Variants in AP4E1 observed in about 807,000 individuals in gnomAD.
AP4E1 encodes the protein adaptor related protein complex 4 subunit epsilon 1.
Under a neutral mutation model 128.2 loss-of-function variants are expected in AP4E1, and 56 were observed. The ratio of observed to expected loss-of-function variants is 0.44; its 90% CI spans 0.35 to 0.55. AP4E1 has a LOEUF of 0.55. Ranked by LOEUF, AP4E1 falls within the 20% of genes least tolerant of loss-of-function variation. AP4E1 has a pLI of 0.00. For synonymous variants in AP4E1, 484 were observed against 473.1 expected, an observed-to-expected ratio of 1.02 and a Z score of -0.30; for missense variants, 1,324 against 1,307.7, an observed-to-expected ratio of 1.01 and a Z score of -0.19.
Position 50,992,108 on chromosome 15 carries a change from T to A in AP4E1, c.2091-1262T>A, listed in dbSNP as rs1207107519. ...TTCAATAAATATATTGGAAAAAGTT[T>A]TTCAGACTTGAGACAATTTGAAAAA... On this transcript the variant is annotated intron_variant, in intron 16 of 20. Coordinates refer to ENST00000261842, the MANE Select transcript of AP4E1 (RefSeq NM_007347.5). Among the ~76,000 whole-genome samples the A allele has an allele frequency of 4.6e-5, 7 of 152,240 alleles. No individual in the cohort carries two copies. The East Asian group carries it at 1.3e-3, about 29-fold the overall frequency.
At chr15:50,912,548 T>C (rs1406950337) in intron 2 of AP4E1, among the ~76,000 whole-genome samples, 1 of 152,240 alleles carries the variant, frequency 6.6e-6, no homozygotes, top group African/African-American at 2.4e-5. Context: ...TTGTTCTACA[T>C]AATCTGATTT....
intron 16 of AP4E1, among the ~76,000 whole-genome samples, chr15:50,991,756 T>G (rs1355264831): frequency 6.6e-6 from 1 of 152,100 alleles, no homozygotes; most frequent in Non-Finnish European, 1.5e-5. Flanking sequence ...TAATTACCTG[T>G]TTTTGTTTTG....
chr15:50,967,315 G>T (rs1253295269), intron 14 of AP4E1, among the ~76,000 whole-genome samples: 1 of 152,198 alleles, frequency 6.6e-6, no homozygotes, highest in Non-Finnish European at 1.5e-5. Flanking sequence ...TGATGGGGCA[G>T]TTATCCTAGA....
intron 14 of AP4E1, among the ~76,000 whole-genome samples, chr15:50,966,410 G>A (rs1049565195): frequency 1.3e-5 from 2 of 151,746 alleles, no homozygotes; most frequent in African/African-American, 4.8e-5. Flanking sequence ...TTCCAGAGAT[G>A]TTTATTGAAA....
At chr15:50,918,890 A>G (rs2063660248) in intron 3 of AP4E1, among the ~76,000 whole-genome samples, 2 of 152,118 alleles carry the variant, frequency 1.3e-5, no homozygotes, top group Non-Finnish European at 2.9e-5. Context: ...TGGTGGACAT[A>G]TGGCTTATTT....
intron 9 of AP4E1, 36 bp downstream of exon 9, chr15:50,941,600 G>C (rs764877860): frequency 6.2e-7 from 1 of 1,612,342 alleles, no homozygotes; most frequent in South Asian, 1.1e-5. Flanking sequence ...AAATTACAGA[G>C]ATAGCTTTTG....
chr15:50,956,536 G>C (rs1448909831), intron 13 of AP4E1, among the ~76,000 whole-genome samples: 1 of 152,128 alleles, frequency 6.6e-6, no homozygotes, highest in African/African-American at 2.4e-5. Context: ...CACATGGCTG[G>C]GGAGGCCTCA....
Position 50,943,003 on chromosome 15 carries a change from T to C in AP4E1, c.1176+1228T>C, listed in dbSNP as rs183636409. On this transcript the variant is annotated intron_variant, in intron 10 of 20. Transcript: ENST00000261842. ...GAACCCATCACCCAAATAGTAAACA[T>C]AGTACTGGGTAGGTAGTTTTTCAAC... 3.4e-3 allele frequency among the ~76,000 whole-genome samples: 516 copies of C among 152,160 alleles called. 3 individuals are homozygous for C. Among genetic ancestry groups the C allele is most frequent in the Middle Eastern group, 0.014 (4 of 294 alleles).
At chr15:50,966,342 A>G (rs934436128) in intron 14 of AP4E1, among the ~76,000 whole-genome samples, 3 of 152,200 alleles carry the variant, frequency 2.0e-5, no homozygotes, top group African/African-American at 7.2e-5. Flanking sequence ...ACATTTCTTC[A>G]TTAGTTCTTT....
Position 50,949,871 on chromosome 15 carries a change from G to A in AP4E1, c.1362G>A (p.Val454=). ...GGTTTATTCAGACAATGAATGCTGT[G>A]TTTTCAGTAGGAGGAGATGTAATGC... ...NAWFIQTMNA[V]FSVGGDVMHP... The change falls in exon 12 of 21, where the codon GTG becomes GTA. Residue 454 remains valine (V), a synonymous_variant. Transcript: ENST00000261842. 1.9e-6 allele frequency: 3 copies of A among 1,613,796 alleles called. No homozygotes were observed. Among genetic ancestry groups the A allele is most frequent in the Non-Finnish European group, 2.5e-6 (3 of 1,179,836 alleles).
intron 8 of AP4E1, among the ~76,000 whole-genome samples, chr15:50,938,717 T>C (rs1243443911): frequency 1.3e-5 from 2 of 152,046 alleles, no homozygotes; most frequent in African/African-American, 2.4e-5. Flanking sequence ...ATGAGGCCAC[T>C]CCCTCATAGT....
rs200890154 is a variant in AP4E1 at position 50,984,065 on chromosome 15, C to G, written c.2010C>G (p.Gly670=). The G allele has an allele frequency of 5.6e-6, 9 of 1,613,298 alleles. No homozygotes were observed. In the African/African-American group the frequency reaches 6.7e-5, roughly 12 times the overall value. The change falls in exon 16 of 21, where the codon GGC becomes GGG. Residue 670 remains glycine, a synonymous_variant. Coordinates refer to ENST00000261842, the MANE Select transcript of AP4E1 (RefSeq NM_007347.5). ...EPYGLSFSSS[G]FTGRQSPAGI... ...ATGGACTCTCCTTTTCTTCATCTGG[C>G]TTCACTGGACGACAGTCTCCTGCTG... is the stretch of plus-strand genomic sequence containing the variant.
intron 3 of AP4E1, among the ~76,000 whole-genome samples, chr15:50,916,366 G>A (rs911012698): frequency 6.6e-6 from 1 of 152,156 alleles, no homozygotes; most frequent in Non-Finnish European, 1.5e-5. Context: ...TAGCTATGAG[G>A]ATTAGCAGTG....
chr15:50,984,091 G>T lies in AP4E1; in HGVS notation c.2036G>T (p.Gly679Val), dbSNP rs1282600988. Residue 679 changes from glycine (G) to valine (V), a missense_variant, in exon 16 of 21, where the codon GGC becomes GTC. Gly to Val is a moderately radical substitution (Grantham distance 109). Transcript: ENST00000261842. ...SGFTGRQSPA[G>V]ISLGSDVSGN... Reference sequence around the variant, plus strand: ...TTCACTGGACGACAGTCTCCTGCTGGCATTTCTCTTGGTTCAGATGTATCT... The same window carrying T: ...TTCACTGGACGACAGTCTCCTGCTGTCATTTCTCTTGGTTCAGATGTATCT... 6.2e-7 allele frequency: 1 copy of T among 1,613,424 alleles called. No individual in the cohort carries two copies. The highest frequency in any genetic ancestry group is 8.5e-7 in the Non-Finnish European group (1 of 1,179,542).
At chr15:50,949,477 A>G (rs1281806161) in intron 11 of AP4E1, among the ~76,000 whole-genome samples, 1 of 152,052 alleles carries the variant, frequency 6.6e-6, no homozygotes, top group Non-Finnish European at 1.5e-5. Flanking sequence ...GACATACAAC[A>G]ATATTTAGCT....
At chr15:50,968,444 AAGTAAATAAAT>A (rs2064426704) in intron 15 of AP4E1, 67 bp downstream of exon 15, 1 of 1,084,944 alleles carries the variant, frequency 9.2e-7, no homozygotes, top group African/African-American at 1.6e-5. Flanking sequence ...ATAGTCATGT[AAGTAAATAAAT>A]AAAGATATTT....
intron 4 of AP4E1, among the ~76,000 whole-genome samples, 190 bp downstream of exon 4, chr15:50,924,194 A>G (rs913941106): frequency 1.3e-5 from 2 of 152,192 alleles, no homozygotes; most frequent in African/African-American, 4.8e-5. Flanking sequence ...AGTTGTGAAG[A>G]TTAAATGAAA....
intron 15 of AP4E1, among the ~76,000 whole-genome samples, chr15:50,972,966 A>G (rs1019190564): frequency 2.6e-5 from 4 of 152,200 alleles, no homozygotes; most frequent in African/African-American, 9.6e-5. Context: ...AAAATATCTG[A>G]TGATTTAAGT....
intron 3 of AP4E1, among the ~76,000 whole-genome samples, chr15:50,921,257 T>C (rs2141140553): frequency 6.6e-6 from 1 of 152,324 alleles, no homozygotes; most frequent in South Asian, 2.1e-4. Flanking sequence ...CCCAACGTGC[T>C]GGAATTATAG....
Sources: allele counts gnomAD v4.1 joint callset (sites outside exome capture counted in the v4.1 genomes callset), GRCh38; gene constraint gnomAD v4.1.1; transcripts MANE v1.5; gene names NCBI Gene and HGNC (gene_info 2026-07-23, HGNC 2026-07-21).